Variants in RECK observed in about 807,000 individuals in gnomAD.
RECK encodes reversion inducing cysteine rich protein with kazal motifs.
RECK carries 69 observed loss-of-function variants against 115.1 expected under a neutral mutation model. That is an observed-to-expected ratio of 0.60 (90% CI 0.49 to 0.73). RECK has a LOEUF of 0.73. Among genes scored for constraint, RECK ranks in the 30% least tolerant of loss-of-function variants. RECK has a pLI of 0.00. For synonymous variants in RECK, 414 were observed against 419.7 expected, an observed-to-expected ratio of 0.99 and a Z score of 0.17; for missense variants, 1,047 against 1,203.7, an observed-to-expected ratio of 0.87 and a Z score of 1.93.
intron 2 of RECK, among the ~76,000 whole-genome samples, chr9:36,058,613 T>C (rs2132577036): frequency 6.7e-6 from 1 of 149,414 alleles, no homozygotes; most frequent in Middle Eastern, 3.4e-3. Flanking sequence ...GTAACTAACC[T>C]GCACATTGTG....
rs763497070 is a variant in RECK at position 36,058,872 on chromosome 9, C to G, written c.205C>G (p.Arg69Gly). ...SESRLKHLLQ[R>G]APDYCPETMV... ...ATCCCGACTAAAACATCTGTTGCAGCGAGCCCCAGATTATTGCCCAGAGAC... is the reference window on the plus strand; with the variant it reads ...ATCCCGACTAAAACATCTGTTGCAGGGAGCCCCAGATTATTGCCCAGAGAC... Residue 69 changes from arginine to glycine, a missense_variant, in exon 3 of 21, where the codon CGA becomes GGA. Coordinates refer to ENST00000377966, the MANE Select transcript of RECK (RefSeq NM_021111.3). 6.3e-6 allele frequency: 10 copies of G among 1,587,486 alleles called. No homozygotes were observed. The highest frequency in any genetic ancestry group is 8.6e-6 in the Non-Finnish European group (10 of 1,165,076).
chr9:36,086,580 C>T (rs1822971098), intron 8 of RECK, among the ~76,000 whole-genome samples: 3 of 152,268 alleles, frequency 2.0e-5, no homozygotes, highest in Admixed American at 2.0e-4. Flanking sequence ...AGCAGGTTGC[C>T]ACTGCTGGCT....
At chr9:36,085,631 C>T (rs1822923399) in intron 8 of RECK, 1 of 151,718 alleles carries the variant, frequency 6.6e-6, no homozygotes, top group Non-Finnish European at 1.5e-5. Context: ...GCTGGAGGAT[C>T]GCTTGAGCCC....
chr9:36,114,679 C>G (rs566527456), intron 16 of RECK, among the ~76,000 whole-genome samples: 1 of 152,056 alleles, frequency 6.6e-6, no homozygotes, highest in Non-Finnish European at 1.5e-5. Context: ...ATGGTGAAAC[C>G]CTTTCTCTAC....
chr9:36,096,207 A>C (rs998113007), intron 10 of RECK, among the ~76,000 whole-genome samples: 1 of 151,424 alleles, frequency 6.6e-6, no homozygotes, highest in Non-Finnish European at 1.5e-5. Flanking sequence ...ATTGCACTCC[A>C]ACCTGGGTGA....
chr9:36,060,106 G>T lies in RECK; in HGVS notation c.235-13G>T, dbSNP rs778304878. On this transcript the variant is annotated splice_polypyrimidine_tract_variant and intron_variant, in intron 3 of 20. Transcript: ENST00000377966. ...TTATCTACATAAAAGCCTTTTGTTGGGTACACTTTTAGGTTGAAATTTGGA... is the reference window on the plus strand; with the variant it reads ...TTATCTACATAAAAGCCTTTTGTTGTGTACACTTTTAGGTTGAAATTTGGA... 4.3e-6 allele frequency: 7 copies of T among 1,612,258 alleles called. No individual in the cohort carries two copies. The East Asian group carries it at 1.6e-4, about 36-fold the overall frequency.
chr9:36,075,344 G>A (rs1202581034), intron 6 of RECK, among the ~76,000 whole-genome samples: 2 of 152,194 alleles, frequency 1.3e-5, no homozygotes, highest in Non-Finnish European at 2.9e-5. Context: ...CTTCCAGCTG[G>A]TTGGGTGCCC....
At chr9:36,057,120 A>T in intron 2 of RECK, 8 of 477,694 alleles carry the variant, frequency 1.7e-5, no homozygotes, top group Non-Finnish European at 1.9e-5. Flanking sequence ...TGGCTTGGTG[A>T]GTGAACCTTT....
chr9:36,084,526 C>A (rs1396022455), intron 8 of RECK, among the ~76,000 whole-genome samples: 2 of 151,996 alleles, frequency 1.3e-5, no homozygotes, highest in African/African-American at 4.8e-5. Flanking sequence ...GAAACCCTGT[C>A]TCTACTAAAA....
chr9:36,056,780 G>C (rs1289741722), intron 2 of RECK, among the ~76,000 whole-genome samples: 1 of 152,114 alleles, frequency 6.6e-6, no homozygotes, highest in Non-Finnish European at 1.5e-5. Context: ...ACTTAGTTTT[G>C]TTTAAGTCTT....
At chr9:36,097,113 C>T (rs1028285874) in intron 10 of RECK, among the ~76,000 whole-genome samples, 4 of 152,138 alleles carry the variant, frequency 2.6e-5, no homozygotes, top group African/African-American at 9.7e-5. Flanking sequence ...CACTTGAGGT[C>T]AAGAGTTCAA....
At chr9:36,116,959 C>T in intron 16 of RECK, 26 bp from the exon 17 acceptor site, 1 of 1,584,196 alleles carries the variant, frequency 6.3e-7, no homozygotes, top group South Asian at 1.2e-5. Flanking sequence ...TACATTGGCT[C>T]ATGGTGCTGC....
chr9:36,060,119 G>A lies in RECK; in HGVS notation c.235G>A (p.Val79Ile). The change falls in exon 4 of 21, where the codon GTT becomes ATT. Residue 79 changes from valine (V) to isoleucine (I), a missense_variant and splice_region_variant. By Grantham distance (29) the Val-to-Ile change is conservative. Transcript: ENST00000377966. ...AGCCTTTTGTTGGGTACACTTTTAGGTTGAAATTTGGAATTGTATGAATTC... is the reference window on the plus strand; with the variant it reads ...AGCCTTTTGTTGGGTACACTTTTAGATTGAAATTTGGAATTGTATGAATTC... ...RAPDYCPETM[V>I]EIWNCMNSSL... is the part of the protein sequence containing the mutation. 6.2e-7 allele frequency: 1 copy of A among 1,613,444 alleles called. No homozygotes were observed. Among genetic ancestry groups the A allele is most frequent in the South Asian group, 1.1e-5 (1 of 91,004 alleles).
chr9:36,085,971 A>T (rs1026776457), intron 8 of RECK: 1 of 152,006 alleles, frequency 6.6e-6, no homozygotes, highest in African/African-American at 2.4e-5. Flanking sequence ...GCAGCTCAAT[A>T]AAAAAGCAGA....
intron 6 of RECK, among the ~76,000 whole-genome samples, chr9:36,068,766 G>A (rs1043332670): frequency 6.6e-6 from 1 of 152,152 alleles, no homozygotes; most frequent in Admixed American, 6.5e-5. Context: ...TTAGTATTAG[G>A]GTGACCAGGA....
chr9:36,112,647 C>T (rs770577416), intron 16 of RECK, among the ~76,000 whole-genome samples, 171 bp downstream of exon 16: 2 of 152,102 alleles, frequency 1.3e-5, no homozygotes, highest in South Asian at 2.1e-4. Flanking sequence ...TAAGGTGCTG[C>T]GATTGGGAGC....
rs538750742 is a variant in RECK at position 36,081,043 on chromosome 9, C to A, written c.439+405C>A. ...TGAGATAGTGTCACTGGATAAAGTG[C>A]TCCAGGAGTTCAGAGAAAGAAGGGA... On this transcript the variant is annotated intron_variant, in intron 7 of 20. Transcript: ENST00000377966. Among the ~76,000 whole-genome samples the A allele has an allele frequency of 3.3e-5, 5 of 152,216 alleles. No individual in the cohort carries two copies. In the South Asian group the frequency reaches 1.0e-3, roughly 32 times the overall value.
intron 4 of RECK, among the ~76,000 whole-genome samples, chr9:36,061,348 C>T (rs1311506463): frequency 1.3e-5 from 2 of 149,978 alleles, no homozygotes; most frequent in Non-Finnish European, 1.5e-5. Context: ...TTGCCTGTCT[C>T]CTAGTTATGC....
chr9:36,120,600 A>C (rs1317889959), intron 18 of RECK, 63 bp from the exon 19 acceptor site: 9 of 1,328,584 alleles, frequency 6.8e-6, no homozygotes, highest in Non-Finnish European at 8.6e-6. Flanking sequence ...ACATTTCACT[A>C]AGGATTTTAA....
Sources: gnomAD v4.1 joint callset for allele counts (sites outside exome capture counted in the v4.1 genomes callset) on GRCh38, gnomAD v4.1.1 for gene constraint, MANE v1.5 for transcripts, NCBI Gene and HGNC (gene_info 2026-07-23, HGNC 2026-07-21) for gene names.